ATP11C: variants seen among roughly 807,000 people sequenced by gnomAD.
ATP11C encodes the protein phospholipid-transporting ATPase IG.
A neutral mutation model predicts 97.4 loss-of-function variants in ATP11C; 36 were observed. The ratio of observed to expected loss-of-function variants is 0.37; its 90% CI spans 0.28 to 0.49. ATP11C has a LOEUF of 0.49. Ranked by LOEUF, ATP11C falls within the 20% of genes least tolerant of loss-of-function variation. The pLI is 0.98. For synonymous variants in ATP11C, 275 were observed against 290.9 expected (o/e 0.95, Z 0.56); for missense variants, 730 against 824.6 (o/e 0.89, Z 1.40).
In ATP11C at chrX:139,727,674, CAAA is replaced by C. The variant is rs1169693299; in HGVS notation, c.*1289_*1291del. On this transcript the variant is annotated 3_prime_UTR_variant, in exon 30 of 30. Coordinates refer to ENST00000682941, the MANE Select transcript of ATP11C (RefSeq NM_001353812.2). ...GCATGCCAGAAAGACAAAAAAAAAACAAAAAAACTAGCAGTCAAATAAATATGG... is the reference window on the plus strand; with the variant it reads ...GCATGCCAGAAAGACAAAAAAAAAACAAAACTAGCAGTCAAATAAATATGG... The C allele has an allele frequency of 1.9e-5, 2 of 107,011 alleles. No individual in the cohort carries two copies. The highest frequency in any genetic ancestry group is 6.8e-5 in the African/African-American group (2 of 29,411). The allele number at this position is 107,011 out of a possible 1,213,427, so 8.8% of individuals were successfully genotyped here.
chrX:139,899,712 T>G (rs1348229284), intron 1 of ATP11C, among the ~76,000 whole-genome samples: 6 of 111,400 alleles, frequency 5.4e-5, no homozygotes, highest in Non-Finnish European at 1.1e-4. Flanking sequence ...TTCTGTAAAT[T>G]TAAAATGATT....
chrX:139,857,033 C>A (rs768237595), intron 1 of ATP11C, among the ~76,000 whole-genome samples: 1 of 112,004 alleles, frequency 8.9e-6, no homozygotes, highest in East Asian at 2.8e-4. Context: ...GGGTAAATGA[C>A]CTCTTTACAG....
intron 1 of ATP11C, among the ~76,000 whole-genome samples, chrX:139,842,612 T>G (rs1416916881): frequency 8.9e-6 from 1 of 112,459 alleles, no homozygotes; most frequent in Non-Finnish European, 1.9e-5. Flanking sequence ...TGCAGCGCAC[T>G]GCTAAGTAAA....
intron 1 of ATP11C, among the ~76,000 whole-genome samples, chrX:139,878,668 C>T (rs186082510): frequency 1.8e-5 from 2 of 111,479 alleles, no homozygotes; most frequent in East Asian, 5.7e-4. Flanking sequence ...AGAATTCGTT[C>T]TACCCCAGGT....
intron 1 of ATP11C, among the ~76,000 whole-genome samples, chrX:139,914,012 A>T (rs1050747509): frequency 8.9e-6 from 1 of 111,872 alleles, no homozygotes. Context: ...CCAACAGAAA[A>T]TAGTCAAAAG....
Position 139,728,772 on chromosome X carries a change from T to A in ATP11C, c.*194A>T, listed in dbSNP as rs1208422814. 1 of 469,138 alleles carries A rather than the reference T, an allele frequency of 2.1e-6. No individual in the cohort carries two copies. Among genetic ancestry groups the A allele is most frequent in the Non-Finnish European group, 3.5e-6 (1 of 282,522 alleles). 38.7% of individuals were successfully genotyped at this position (469,138 alleles called of 1,213,427 possible). On this transcript the variant is annotated 3_prime_UTR_variant, in exon 30 of 30. Transcript: ENST00000682941. ...GCTACTTACAATAATGGTAAATGCT[T>A]AAGAGAATCATTTGGTATTTTAATG...
chrX:139,782,750 T>A (rs754323988), intron 17 of ATP11C, 22 bp from the exon 18 acceptor site: 2 of 1,084,078 alleles, frequency 1.8e-6, no homozygotes, highest in South Asian at 4.3e-5. Flanking sequence ...GTAGGAGATC[T>A]GTAGTTATTC....
At chrX:139,798,597 T>C in intron 9 of ATP11C, 82 bp downstream of exon 9, 1 of 799,937 alleles carries the variant, frequency 1.3e-6, no homozygotes, top group Non-Finnish European at 1.8e-6. Context: ...AAACCTGCCA[T>C]GTTTACTTTT....
At position 139,789,342 on chromosome X, in the gene ATP11C, A is replaced by G; in HGVS notation, c.1353T>C (p.Phe451=). Residue 451 remains phenylalanine, a synonymous_variant, in exon 13 of 30, where the codon TTT becomes TTC. Coordinates refer to ENST00000682941, the MANE Select transcript of ATP11C (RefSeq NM_001353812.2). ...LSQTDGTLTY[F]DKVDKNREEL... ...GCAAATGCACCTTATCTACTTTGTC[A>G]AAATATGTTAAAGTTCCATCAGTTT... The G allele has an allele frequency of 8.3e-7, 1 of 1,203,304 alleles. No individual in the cohort carries two copies. Among genetic ancestry groups the G allele is most frequent in the Non-Finnish European group, 1.1e-6 (1 of 891,409 alleles).
At chrX:139,878,389 A>C (rs2084510754) in intron 1 of ATP11C, among the ~76,000 whole-genome samples, 1 of 112,402 alleles carries the variant, frequency 8.9e-6, no homozygotes, top group Non-Finnish European at 1.9e-5. Context: ...AAGTTAGTAA[A>C]GCCAAATATT....
intron 24 of ATP11C, 77 bp from the exon 25 acceptor site, chrX:139,745,934 T>C (rs948345878): frequency 7.4e-6 from 8 of 1,082,860 alleles, no homozygotes; most frequent in Non-Finnish European, 1.0e-5. Flanking sequence ...AAGGTGGGCG[T>C]GGAATTTGAC....
At chrX:139,927,347 A>C (rs2085365931) in intron 1 of ATP11C, among the ~76,000 whole-genome samples, 2 of 112,072 alleles carry the variant, frequency 1.8e-5, no homozygotes, top group Admixed American at 1.9e-4. Context: ...CTTGCCTGTA[A>C]TTCCAGCACT....
chrX:139,798,340 T>A lies in ATP11C; in HGVS notation c.790A>T (p.Thr264Ser). 8.4e-7 allele frequency: 1 copy of A among 1,194,925 alleles called. No individual in the cohort carries two copies. The highest frequency in any genetic ancestry group is 3.0e-5 in the East Asian group (1 of 33,674). The stretch of plus-strand genomic sequence containing the variant: ...AAAGCCATTTTGGTTTCCATTCCAG[T>A]GTAAACAGCAACTCCTAAGAAATTA... ...TEKIYGVAVYTGMETKMALNY... is the reference protein window; with the variant it reads ...TEKIYGVAVYSGMETKMALNY... The change falls in exon 10 of 30, where the codon ACT becomes TCT. Residue 264 changes from threonine (T) to serine (S), a missense_variant. Thr to Ser is a moderately conservative substitution (Grantham distance 58). Coordinates refer to ENST00000682941, the MANE Select transcript of ATP11C (RefSeq NM_001353812.2).
chrX:139,933,027 T>G lies in ATP11C; in HGVS notation c.-985A>C, dbSNP rs2085468805. ...TAAGCCTTCTTACTTCCACTTTCTC[T>G]GAGGTTGTAAAGTCAGGCTTTGTGT... On this transcript the variant is annotated 5_prime_UTR_variant, in exon 1 of 30. Coordinates refer to ENST00000682941, the MANE Select transcript of ATP11C (RefSeq NM_001353812.2). 8.9e-6 allele frequency: 1 copy of G among 112,070 alleles called. No homozygotes were observed. Among genetic ancestry groups the G allele is most frequent in the African/African-American group, 3.2e-5 (1 of 30,872 alleles). 9.2% of individuals were successfully genotyped at this position (112,070 alleles called of 1,213,427 possible).
chrX:139,763,123 T>A (rs2082069986), intron 21 of ATP11C, among the ~76,000 whole-genome samples, 193 bp downstream of exon 21: 1 of 112,603 alleles, frequency 8.9e-6, no homozygotes, highest in Non-Finnish European at 1.9e-5. Flanking sequence ...TTGCTACATT[T>A]CTACCATGGG....
intron 1 of ATP11C, among the ~76,000 whole-genome samples, chrX:139,888,650 G>A (rs2084682812): frequency 9.0e-6 from 1 of 110,935 alleles, no homozygotes; most frequent in South Asian, 3.8e-4. Context: ...AACAAAAATG[G>A]TATAGTCACT....
At chrX:139,858,603 T>C (rs2084131206) in intron 1 of ATP11C, among the ~76,000 whole-genome samples, 2 of 112,362 alleles carry the variant, frequency 1.8e-5, no homozygotes, top group South Asian at 3.7e-4. Flanking sequence ...GTTTGAGGGT[T>C]TATGTTTCAA....
intron 1 of ATP11C, among the ~76,000 whole-genome samples, chrX:139,869,226 C>T (rs1360471227): frequency 8.9e-6 from 1 of 112,031 alleles, no homozygotes; most frequent in Non-Finnish European, 1.9e-5. Context: ...CCCAAATGTC[C>T]ATTGACAGAT....
intron 1 of ATP11C, among the ~76,000 whole-genome samples, chrX:139,895,182 G>A (rs780903050): frequency 2.7e-5 from 3 of 112,581 alleles, no homozygotes; most frequent in Non-Finnish European, 5.6e-5. Context: ...TTGGCATTTC[G>A]CTCAAATTCA....
Sources: gnomAD v4.1 joint callset for allele counts (sites outside exome capture counted in the v4.1 genomes callset) on GRCh38, gnomAD v4.1.1 for gene constraint, MANE v1.5 for transcripts, NCBI Gene and HGNC (gene_info 2026-07-23, HGNC 2026-07-21) for gene names.